Variants in WIPF3 observed in about 807,000 individuals in gnomAD.
WIPF3 encodes WAS/WASL-interacting protein family member 3.
A neutral mutation model predicts 38.9 loss-of-function variants in WIPF3; 33 were observed. The ratio of observed to expected loss-of-function variants is 0.85; its 90% CI spans 0.64 to 1.14. The LOEUF (loss-of-function observed/expected upper bound fraction) is 1.14, where lower values mean the gene tolerates loss of function less well. Among genes scored for constraint, WIPF3 ranks in the 50% most tolerant of loss-of-function variants. The pLI is 0.00. For missense variants in WIPF3, 711 were observed against 652.5 expected, an observed-to-expected ratio of 1.09 and a Z score of -0.98; for synonymous variants, 324 against 269.3, an observed-to-expected ratio of 1.20 and a Z score of -1.99.
chr7:29,897,703 A>T (rs957458553), intron 7 of WIPF3, among the ~76,000 whole-genome samples: 4 of 152,244 alleles, frequency 2.6e-5, no homozygotes, highest in African/African-American at 9.6e-5. Context: ...AAAGAATTAG[A>T]TGTCCCAAGA....
chr7:29,910,181 A>G (rs1192165081), intron 8 of WIPF3, among the ~76,000 whole-genome samples: 1 of 152,274 alleles, frequency 6.6e-6, no homozygotes, highest in African/African-American at 2.4e-5. Context: ...GTATCAAAAC[A>G]TCTCATGTAC....
In WIPF3 at chr7:29,891,141, GCGCGGGCC is replaced by G. The variant is rs1298048110; in HGVS notation, c.1351+1735_1351+1742del. 6.1e-4 allele frequency among the ~76,000 whole-genome samples: 37 copies of G among 60,852 alleles called. 1 individual carries two copies. Among genetic ancestry groups the G allele is most frequent in the Admixed American group, 1.3e-3 (7 of 5,592 alleles). The allele number at this position is 60,852 out of a possible 152,430, so 39.9% of individuals were successfully genotyped here. On this transcript the variant is annotated intron_variant, in intron 7 of 8. Coordinates refer to ENST00000242140, the MANE Select transcript of WIPF3 (RefSeq NM_001080529.3). ...CCTGCCCTGTGCTCAGGTGGAGGGG[GCGCGGGCC>G]TGCCCTGTGCTCAGGTGGAGGGGGC... is the stretch of plus-strand genomic sequence containing the variant.
At chr7:29,880,793 G>A (rs1785699070) in intron 4 of WIPF3, among the ~76,000 whole-genome samples, 1 of 152,182 alleles carries the variant, frequency 6.6e-6, no homozygotes, top group Non-Finnish European at 1.5e-5. Context: ...GAAACTCAAG[G>A]AGAAAGCCAC....
In WIPF3 at chr7:29,858,563, G is replaced by C. The variant is rs551053897; in HGVS notation, c.91-17267G>C. The stretch of plus-strand genomic sequence containing the variant: ...TTACAATGTACTTCCTCAGATAGTT[G>C]GTCTGTTCCATTAAGCAAAATTCTC... On this transcript the variant is annotated intron_variant, in intron 2 of 8. Transcript: ENST00000242140. 5.3e-5 allele frequency among the ~76,000 whole-genome samples: 8 copies of C among 152,270 alleles called. No homozygotes were observed. In the East Asian group the frequency reaches 1.5e-3, roughly 29 times the overall value.
intron 6 of WIPF3, among the ~76,000 whole-genome samples, 166 bp downstream of exon 6, chr7:29,888,383 T>C (rs1304372888): frequency 6.6e-6 from 1 of 152,146 alleles, no homozygotes; most frequent in Non-Finnish European, 1.5e-5. Flanking sequence ...TTCTGTTAAA[T>C]AGGGTTCCTT....
At chr7:29,809,208 G>A (rs745768127) in intron 1 of WIPF3, among the ~76,000 whole-genome samples, 7 of 152,086 alleles carry the variant, frequency 4.6e-5, no homozygotes, top group Admixed American at 1.3e-4. Context: ...CTAATATTCC[G>A]AACTTAAAGA....
chr7:29,858,058 G>A (rs1230056081), intron 2 of WIPF3, among the ~76,000 whole-genome samples: 1 of 152,036 alleles, frequency 6.6e-6, no homozygotes, highest in Non-Finnish European at 1.5e-5. Context: ...TATGGTAAGT[G>A]TCTTACAGTC....
chr7:29,884,082 CA>C lies in WIPF3; in HGVS notation c.592del (p.Thr198LeufsTer10). 1 of 1,490,652 alleles carries C rather than the reference CA, an allele frequency of 6.7e-7. No homozygotes were observed. Among genetic ancestry groups the C allele is most frequent in the Non-Finnish European group, 9.0e-7 (1 of 1,115,914 alleles). The allele number at this position is 1,490,652 out of a possible 1,614,324, so 92.3% of individuals were successfully genotyped here. On this transcript the variant is annotated frameshift_variant, in exon 5 of 9. Transcript: ENST00000242140. LOFTEE classifies it high-confidence loss of function. ...CGCCCCTTCCCTCTTCCTCCCCCATCAAAACTCCGCTTGTGTCCCCACCCGG... is the reference window on the plus strand; with the variant it reads ...CGCCCCTTCCCTCTTCCTCCCCCATCAAACTCCGCTTGTGTCCCCACCCGG... ...PPPLPSSSPI[K>X]TPLVSPPGPL...
chr7:29,842,147 C>A (rs1010996183), intron 2 of WIPF3, among the ~76,000 whole-genome samples: 9 of 152,218 alleles, frequency 5.9e-5, no homozygotes, highest in Admixed American at 5.9e-4. Context: ...GTTGCCCAGG[C>A]AAAGCCTGAC....
intron 5 of WIPF3, among the ~76,000 whole-genome samples, chr7:29,887,520 C>T (rs1785907792): frequency 6.6e-6 from 1 of 152,102 alleles, no homozygotes; most frequent in Admixed American, 6.5e-5. Context: ...CTGGAGGGCA[C>T]GTAAGATTTA....
At chr7:29,849,857 A>C (rs1785064796) in intron 2 of WIPF3, among the ~76,000 whole-genome samples, 1 of 152,366 alleles carries the variant, frequency 6.6e-6, no homozygotes, top group East Asian at 1.9e-4. Flanking sequence ...GTTCTAGAAC[A>C]GAAACATGTC....
At chr7:29,894,029 G>A (rs1396687658) in intron 7 of WIPF3, among the ~76,000 whole-genome samples, 1 of 152,224 alleles carries the variant, frequency 6.6e-6, no homozygotes. Context: ...GCATGGCTGT[G>A]TTCCAATAAA....
At chr7:29,898,905 C>T (rs1767627158) in intron 7 of WIPF3, among the ~76,000 whole-genome samples, 1 of 152,148 alleles carries the variant, frequency 6.6e-6, no homozygotes, top group South Asian at 2.1e-4. Flanking sequence ...TTCTCTTGAT[C>T]TTTGATCAAA....
intron 1 of WIPF3, among the ~76,000 whole-genome samples, chr7:29,822,122 A>ATTTTTTTTTTT (rs1784545814): frequency 2.5e-5 from 1 of 39,318 alleles, no homozygotes; most frequent in African/African-American, 1.0e-4. Flanking sequence ...CTTTTTTCTT[A>ATTTTTTTTTTT]GTTTTTTTTT....
At chr7:29,836,755 G>A (rs1165654215) in intron 2 of WIPF3, among the ~76,000 whole-genome samples, 4 of 152,126 alleles carry the variant, frequency 2.6e-5, no homozygotes, top group Admixed American at 1.3e-4. Flanking sequence ...TTGGGAGGCC[G>A]AGGTGGGCAG....
At chr7:29,898,772 CTCTT>C (rs1176462511) in intron 7 of WIPF3, among the ~76,000 whole-genome samples, 5 of 152,164 alleles carry the variant, frequency 3.3e-5, no homozygotes, top group African/African-American at 9.7e-5. Context: ...GGTCTTTTCT[CTCTT>C]TATTTGATCA....
chr7:29,883,799 G>A (rs1785772515), intron 4 of WIPF3, 51 bp from the exon 5 acceptor site: 5 of 1,508,196 alleles, frequency 3.3e-6, no homozygotes, highest in African/African-American at 1.4e-5. Flanking sequence ...ACCTGCGGGG[G>A]CTTTCTCCTT....
chr7:29,904,642 C>A, intron 8 of WIPF3: 1 of 369,626 alleles, frequency 2.7e-6, no homozygotes, highest in Non-Finnish European at 4.9e-6. Context: ...CAATCACTTC[C>A]CATTCTTCCT....
chr7:29,898,910 A>T (rs1447463662), intron 7 of WIPF3, among the ~76,000 whole-genome samples: 1 of 152,084 alleles, frequency 6.6e-6, no homozygotes, highest in Non-Finnish European at 1.5e-5. Flanking sequence ...TTGATCTTTG[A>T]TCAAATGGTA....
Sources: allele counts gnomAD v4.1 joint callset (sites outside exome capture counted in the v4.1 genomes callset), GRCh38; gene constraint gnomAD v4.1.1; transcripts MANE v1.5; gene names NCBI Gene and HGNC (gene_info 2026-07-23, HGNC 2026-07-21).